The following ADAM18 variants were observed in gnomAD, a reference collection of about 807,000 sequenced individuals.
ADAM18 encodes the protein disintegrin and metalloproteinase domain-containing protein 18.
ADAM18 carries 117 observed loss-of-function variants against 94.4 expected under a neutral mutation model. That is an observed-to-expected ratio of 1.24 (90% CI 1.07 to 1.45). The LOEUF is 1.45. ADAM18 is among the 40% of genes most tolerant of loss of function. The pLI is 0.00. For missense variants in ADAM18, 936 were observed against 880.0 expected (o/e 1.06, Z -0.81); for synonymous variants, 327 against 291.6 (o/e 1.12, Z -1.24).
At chr8:39,596,443 T>C (rs1411706338) in intron 2 of ADAM18, among the ~76,000 whole-genome samples, 7 of 152,216 alleles carry the variant, frequency 4.6e-5, no homozygotes, top group Admixed American at 3.9e-4. Flanking sequence ...ATGTAGCCTT[T>C]TCAGATGGCT....
At chr8:39,703,851 G>A (rs970352797) in intron 17 of ADAM18, among the ~76,000 whole-genome samples, 1 of 151,866 alleles carries the variant, frequency 6.6e-6, no homozygotes, top group East Asian at 1.9e-4. Context: ...GAAGATTCAA[G>A]TACACACAAT....
chr8:39,646,783 T>C (rs1001608891), intron 11 of ADAM18, among the ~76,000 whole-genome samples: 2 of 152,204 alleles, frequency 1.3e-5, no homozygotes, highest in African/African-American at 4.8e-5. Context: ...GGGACTTATA[T>C]TTTAGTGTGA....
chr8:39,585,169 T>G (rs968536231), intron 1 of ADAM18, 107 bp from the exon 2 acceptor site: 12 of 762,404 alleles, frequency 1.6e-5, no homozygotes, highest in Non-Finnish European at 2.4e-5. Context: ...GAACTTCTAC[T>G]TAAAATTTTA....
At chr8:39,718,761 A>AAATTT (rs1554516221) in intron 18 of ADAM18, among the ~76,000 whole-genome samples, 3 of 150,384 alleles carry the variant, frequency 2.0e-5, no homozygotes, top group Admixed American at 6.7e-5. Flanking sequence ...ATCAGAAAAT[A>AAATTT]AAATACTTGC....
chr8:39,651,158 G>GC (rs987860130), intron 12 of ADAM18, among the ~76,000 whole-genome samples: 1 of 152,200 alleles, frequency 6.6e-6, no homozygotes, highest in African/African-American at 2.4e-5. Flanking sequence ...GAGCAGTATT[G>GC]CCGCCAGTAT....
At position 39,645,459 on chromosome 8, in the gene ADAM18, T is replaced by C; in HGVS notation, c.1031T>C (p.Met344Thr). The C allele has an allele frequency of 6.2e-7, 1 of 1,610,840 alleles. No individual in the cohort carries two copies. Among genetic ancestry groups the C allele is most frequent in the Non-Finnish European group, 8.5e-7 (1 of 1,178,844 alleles). Residue 344 changes from methionine (M) to threonine (T), a missense_variant, in exon 11 of 20, where the codon ATG becomes ACG. By Grantham distance (81) the Met-to-Thr change is moderately conservative. Coordinates refer to ENST00000265707, the MANE Select transcript of ADAM18 (RefSeq NM_014237.3). ...QCFCLRATCIMNHEAVSASGR... is the reference protein window; with the variant it reads ...QCFCLRATCITNHEAVSASGR... ...TTCTGTCTGAGAGCTACATGCATCATGAATCATGAAGCAGTGTAAGATGTT... is the reference window on the plus strand; with the variant it reads ...TTCTGTCTGAGAGCTACATGCATCACGAATCATGAAGCAGTGTAAGATGTT...
chr8:39,611,699 G>C (rs1819275811), intron 6 of ADAM18: 1 of 705,634 alleles, frequency 1.4e-6, no homozygotes, highest in African/African-American at 1.9e-5. Flanking sequence ...AAAAGCTGAG[G>C]TTGCAGATTA....
intron 17 of ADAM18, among the ~76,000 whole-genome samples, chr8:39,697,813 C>T (rs1821967211): frequency 6.6e-6 from 1 of 151,714 alleles, no homozygotes; most frequent in South Asian, 2.1e-4. Flanking sequence ...TACATGATCT[C>T]TTCTGAGAAG....
chr8:39,631,808 AC>A (rs1281417400), intron 7 of ADAM18, among the ~76,000 whole-genome samples: 1 of 151,730 alleles, frequency 6.6e-6, no homozygotes, highest in African/African-American at 2.4e-5. Context: ...AATAAGGAGA[AC>A]CCCCTCACAT....
intron 6 of ADAM18, among the ~76,000 whole-genome samples, chr8:39,615,637 C>G (rs2129578641): frequency 6.6e-6 from 1 of 152,242 alleles, no homozygotes; most frequent in East Asian, 1.9e-4. Context: ...AAGCATTCCT[C>G]TTAAGAACCA....
At chr8:39,645,623 TACTTAGGGATATATACTA>T (rs1302622197) in intron 11 of ADAM18, 149 bp downstream of exon 11, 1 of 732,440 alleles carries the variant, frequency 1.4e-6, no homozygotes, top group African/African-American at 1.8e-5. Flanking sequence ...AAATTATGTA[TACTTAGGGATATATACTA>T]TAGATTGATC....
chr8:39,656,798 C>T (rs1010898215), intron 12 of ADAM18, among the ~76,000 whole-genome samples: 2 of 152,180 alleles, frequency 1.3e-5, no homozygotes, highest in Non-Finnish European at 1.5e-5. Context: ...ATTTACTAAT[C>T]GCTAATAAAT....
In ADAM18 at chr8:39,638,533, C is replaced by T. The variant is rs1403366279; in HGVS notation, c.896C>T (p.Ala299Val). Reference sequence around the variant, plus strand: ...ACTGTATGCAATAAAAGCTATGATGCAGGTATTGCTATGGTATGTAATTTT... The same window carrying T: ...ACTGTATGCAATAAAAGCTATGATGTAGGTATTGCTATGGTATGTAATTTT... ...PGTVCNKSYD[A>V]GIAMYPDAIG... The change falls in exon 10 of 20, where the codon GCA becomes GTA. Residue 299 changes from alanine (A) to valine (V), a missense_variant. Ala to Val is a moderately conservative substitution (Grantham distance 64, BLOSUM62 0). Coordinates refer to ENST00000265707, the MANE Select transcript of ADAM18 (RefSeq NM_014237.3). 6.4e-7 allele frequency: 1 copy of T among 1,569,918 alleles called. No homozygotes were observed.
At chr8:39,609,613 A>G in intron 5 of ADAM18, 52 bp downstream of exon 5, 4 of 1,315,526 alleles carry the variant, frequency 3.0e-6, no homozygotes, top group Non-Finnish European at 4.3e-6. Flanking sequence ...GATAGTCTTT[A>G]AAACAAAACT....
chr8:39,597,481 A>T (rs1563267953), intron 2 of ADAM18, among the ~76,000 whole-genome samples: 4 of 151,976 alleles, frequency 2.6e-5, no homozygotes, highest in Admixed American at 6.6e-5. Flanking sequence ...AGATTTATTT[A>T]TTTTTTTACG....
chr8:39,643,110 C>T (rs1483600805), intron 10 of ADAM18, among the ~76,000 whole-genome samples: 3 of 151,918 alleles, frequency 2.0e-5, no homozygotes, highest in African/African-American at 7.3e-5. Flanking sequence ...ATAGGAATAC[C>T]AGTGATTTTT....
chr8:39,716,482 A>G (rs753886902), intron 18 of ADAM18, among the ~76,000 whole-genome samples: 13 of 151,900 alleles, frequency 8.6e-5, no homozygotes, highest in Admixed American at 2.6e-4. Context: ...GTTTTGTTTC[A>G]TTCCCACATT....
At chr8:39,683,841 C>G (rs1308659168) in intron 16 of ADAM18, among the ~76,000 whole-genome samples, 27 of 152,010 alleles carry the variant, frequency 1.8e-4, no homozygotes, top group Non-Finnish European at 1.5e-5. Flanking sequence ...GTTTTACTTA[C>G]TTTTTTTGGT....
chr8:39,586,819 A>G (rs1309486630), intron 2 of ADAM18, among the ~76,000 whole-genome samples: 1 of 150,624 alleles, frequency 6.6e-6, no homozygotes, highest in Non-Finnish European at 1.5e-5. Flanking sequence ...TCTATCTATC[A>G]TCTATTCTGT....
Sources: allele counts gnomAD v4.1 joint callset (sites outside exome capture counted in the v4.1 genomes callset), GRCh38; gene constraint gnomAD v4.1.1; transcripts MANE v1.5; gene names NCBI Gene and HGNC (gene_info 2026-07-23, HGNC 2026-07-21).